TRPM8: variants seen among roughly 807,000 people sequenced by gnomAD.
TRPM8 encodes transient receptor potential cation channel subfamily M member 8, also known as TRPM8 cationic channel.
A neutral mutation model predicts 133.7 loss-of-function variants in TRPM8; 110 were observed. The observed-to-expected ratio is 0.82, with a 90% confidence interval of 0.70 to 0.96. The LOEUF is 0.96. Ranked by LOEUF, TRPM8 falls within the 40% of genes least tolerant of loss-of-function variation. TRPM8 has a pLI of 0.00. For synonymous variants in TRPM8, 535 were observed against 532.3 expected, an observed-to-expected ratio of 1.01 and a Z score of -0.07; for missense variants, 1,291 against 1,379.5, an observed-to-expected ratio of 0.94 and a Z score of 1.02.
At position 233,972,837 on chromosome 2, in the gene TRPM8, G is replaced by A. The variant is rs1364712984; in HGVS notation, c.2355+2411G>A. Reference sequence around the variant, plus strand: ...AGCTCCACACGCAGCCCCGGTTCCCGCTCACGCCACTCCTTCCACACTTCC... The same window carrying A: ...AGCTCCACACGCAGCCCCGGTTCCCACTCACGCCACTCCTTCCACACTTCC... On this transcript the variant is annotated intron_variant, in intron 17 of 25. Coordinates refer to ENST00000324695, the MANE Select transcript of TRPM8 (RefSeq NM_024080.5). Among the ~76,000 whole-genome samples, 12 of 152,268 alleles carry A rather than the reference G, an allele frequency of 7.9e-5. 1 individual carries two copies. The South Asian group carries it at 1.7e-3, about 21-fold the overall frequency.
intron 22 of TRPM8, among the ~76,000 whole-genome samples, chr2:234,003,038 A>G (rs1045039316): frequency 1.3e-5 from 2 of 152,240 alleles, no homozygotes; most frequent in Non-Finnish European, 2.9e-5. Context: ...ATTGGTGGCA[A>G]TTAAGAAAAA....
chr2:233,988,571 A>G (rs1692204175), intron 21 of TRPM8, among the ~76,000 whole-genome samples: 1 of 152,196 alleles, frequency 6.6e-6, no homozygotes, highest in African/African-American at 2.4e-5. Context: ...TATACTGAGA[A>G]GCACCAATGG....
intron 5 of TRPM8, among the ~76,000 whole-genome samples, chr2:233,941,355 T>A (rs1204992704): frequency 6.6e-6 from 1 of 152,196 alleles, no homozygotes; most frequent in Non-Finnish European, 1.5e-5. Flanking sequence ...GGAGACTGGG[T>A]GCTGAGAGGC....
intron 9 of TRPM8, 101 bp from the exon 10 acceptor site, chr2:233,953,816 A>G (rs953930664): frequency 2.6e-6 from 2 of 773,234 alleles, no homozygotes; most frequent in African/African-American, 3.5e-5. Flanking sequence ...GAACTCCACT[A>G]CAGGTGGTCT....
intron 17 of TRPM8, among the ~76,000 whole-genome samples, chr2:233,974,379 A>G (rs1384032542): frequency 1.3e-5 from 2 of 152,076 alleles, no homozygotes; most frequent in South Asian, 2.1e-4. Context: ...GACTACAGGC[A>G]CGCACCACCA....
intron 21 of TRPM8, among the ~76,000 whole-genome samples, chr2:233,992,559 C>A (rs1358236751): frequency 1.3e-5 from 2 of 152,110 alleles, no homozygotes; most frequent in Non-Finnish European, 2.9e-5. Flanking sequence ...AACTGCTGTC[C>A]CTCTGCATGG....
At chr2:233,942,140 C>T (rs563051024) in intron 5 of TRPM8, among the ~76,000 whole-genome samples, 1 of 137,284 alleles carries the variant, frequency 7.3e-6, no homozygotes, top group Non-Finnish European at 1.5e-5. Context: ...AGTGCAGTGG[C>T]ATGATCTCGG....
intron 21 of TRPM8, among the ~76,000 whole-genome samples, chr2:233,992,214 CTT>C (rs967888976): frequency 1.0e-3 from 152 of 151,046 alleles, no homozygotes; most frequent in African/African-American, 3.5e-3. Context: ...AATTACTTTT[CTT>C]TTTTTTTCTT....
chr2:233,979,303 C>CT (rs1261096417), intron 17 of TRPM8, among the ~76,000 whole-genome samples: 3 of 152,166 alleles, frequency 2.0e-5, no homozygotes, highest in African/African-American at 7.2e-5. Context: ...TGTTTAACAT[C>CT]TGTCTTTCCC....
chr2:233,999,139 C>T (rs1487482352), intron 22 of TRPM8, among the ~76,000 whole-genome samples: 1 of 151,916 alleles, frequency 6.6e-6, no homozygotes. Context: ...TCTGTGGGTC[C>T]CTCCTGGGGC....
intron 17 of TRPM8, among the ~76,000 whole-genome samples, chr2:233,975,547 C>T (rs946681742): frequency 1.3e-5 from 2 of 152,264 alleles, no homozygotes; most frequent in African/African-American, 4.8e-5. Flanking sequence ...TTGGAAGCTG[C>T]TGTGCAAGTC....
At chr2:233,926,125 C>T (rs555029223) in intron 1 of TRPM8, among the ~76,000 whole-genome samples, 109 of 152,284 alleles carry the variant, frequency 7.2e-4, no homozygotes, top group Admixed American at 2.2e-3. Context: ...ATAGTCTGCT[C>T]TGTAAATTCC....
intron 17 of TRPM8, among the ~76,000 whole-genome samples, chr2:233,978,530 CAAT>C (rs1409024692): frequency 6.6e-6 from 1 of 152,048 alleles, no homozygotes; most frequent in Non-Finnish European, 1.5e-5. Flanking sequence ...TTTACAAAAA[CAAT>C]ATTCTGTTTC....
At chr2:233,919,950 T>G (rs1222926028) in intron 1 of TRPM8, among the ~76,000 whole-genome samples, 1 of 152,182 alleles carries the variant, frequency 6.6e-6, no homozygotes, top group Non-Finnish European at 1.5e-5. Flanking sequence ...AACATTTTAT[T>G]GCACTTTAAG....
At chr2:233,969,901 G>A in intron 16 of TRPM8, 94 bp downstream of exon 16, 1 of 879,552 alleles carries the variant, frequency 1.1e-6, no homozygotes, top group Non-Finnish European at 1.9e-6. Flanking sequence ...TGATTAAAAA[G>A]CCTGGAACTT....
In TRPM8 at chr2:233,966,559, G is replaced by C. The variant is rs367776875; in HGVS notation, c.1880-51G>C. The C allele has an allele frequency of 2.5e-6, 4 of 1,608,904 alleles. No individual in the cohort carries two copies. In the African/African-American group the frequency reaches 5.3e-5, roughly 22 times the overall value. On this transcript the variant is annotated intron_variant, in intron 14 of 25. Coordinates refer to ENST00000324695, the MANE Select transcript of TRPM8 (RefSeq NM_024080.5). The stretch of plus-strand genomic sequence containing the variant: ...CTGGGGGTGGAAGCAGGACAGTTTC[G>C]GTCATGTGCAGCTCTTACACCAGCT...
chr2:233,944,565 G>A (rs1346560974), intron 6 of TRPM8, among the ~76,000 whole-genome samples: 2 of 152,050 alleles, frequency 1.3e-5, no homozygotes, highest in South Asian at 2.1e-4. Context: ...TGGAAATTAA[G>A]AAACAACCAA....
At chr2:233,975,796 C>T (rs1201346186) in intron 17 of TRPM8, among the ~76,000 whole-genome samples, 5 of 152,178 alleles carry the variant, frequency 3.3e-5, no homozygotes, top group South Asian at 2.1e-4. Flanking sequence ...GCAGTAGAAT[C>T]GCTTGAACCC....
chr2:233,940,871 C>A (rs1370651837), intron 5 of TRPM8, among the ~76,000 whole-genome samples: 1 of 152,068 alleles, frequency 6.6e-6, no homozygotes, highest in Admixed American at 6.5e-5. Context: ...GGCAGGTGTT[C>A]TATGGCGTGG....
Sources: gnomAD v4.1 joint callset for allele counts (sites outside exome capture counted in the v4.1 genomes callset) on GRCh38, gnomAD v4.1.1 for gene constraint, MANE v1.5 for transcripts, NCBI Gene and HGNC (gene_info 2026-07-23, HGNC 2026-07-21) for gene names.